ASAP2: variants seen among roughly 807,000 people sequenced by gnomAD.
ASAP2 encodes the protein arf-GAP with SH3 domain, ANK repeat and PH domain-containing protein 2.
In ASAP2, 45 loss-of-function variants were observed where a neutral mutation model predicts 131.4. That is an observed-to-expected ratio of 0.34 (90% CI 0.27 to 0.44). The LOEUF is 0.44. Among genes scored for constraint, ASAP2 ranks in the 20% least tolerant of loss-of-function variants. ASAP2 has a pLI of 1.00. For missense variants in ASAP2, 1,011 were observed against 1,297.0 expected (o/e 0.78, Z 3.39); for synonymous variants, 510 against 503.0 (o/e 1.01, Z -0.19).
At chr2:9,286,406 AAAAAAAGGAAAAGGATTTTTTTT>A (rs1667462939) in intron 2 of ASAP2, among the ~76,000 whole-genome samples, 1 of 148,592 alleles carries the variant, frequency 6.7e-6, no homozygotes, top group Admixed American at 6.7e-5. Context: ...TCCAAAACAG[AAAAAAAGGAAAAGGATTTTTTTT>A]AAAAAAGGAA....
chr2:9,261,940 C>A (rs141229599), intron 1 of ASAP2, among the ~76,000 whole-genome samples: 1 of 152,326 alleles, frequency 6.6e-6, no homozygotes, highest in East Asian at 1.9e-4. Flanking sequence ...TGGACCAGAG[C>A]GCCTCACCCC....
intron 19 of ASAP2, among the ~76,000 whole-genome samples, chr2:9,379,868 T>C (rs1281598917): frequency 6.6e-6 from 1 of 151,928 alleles, no homozygotes; most frequent in Non-Finnish European, 1.5e-5. Context: ...GGCGCGCACC[T>C]GTAGGCCCAG....
intron 14 of ASAP2, among the ~76,000 whole-genome samples, chr2:9,357,651 A>G: frequency 6.6e-6 from 1 of 152,208 alleles, no homozygotes; most frequent in East Asian, 1.9e-4. Context: ...TTAAAATGCC[A>G]AGACAGTGTG....
At chr2:9,355,018 A>G (rs1394282692) in intron 12 of ASAP2, among the ~76,000 whole-genome samples, 1 of 152,198 alleles carries the variant, frequency 6.6e-6, no homozygotes, top group African/African-American at 2.4e-5. Flanking sequence ...CTGCTTTTAG[A>G]CAGAGAATAT....
chr2:9,310,948 G>A (rs1180417907), intron 3 of ASAP2, among the ~76,000 whole-genome samples: 1 of 152,158 alleles, frequency 6.6e-6, no homozygotes, highest in Non-Finnish European at 1.5e-5. Context: ...TCTATGTGCT[G>A]CCTGCCCCAC....
At chr2:9,296,557 G>A (rs1271482454) in intron 2 of ASAP2, among the ~76,000 whole-genome samples, 1 of 152,254 alleles carries the variant, frequency 6.6e-6, no homozygotes, top group African/African-American at 2.4e-5. Context: ...CAAACAACAT[G>A]TGTGTTGTCT....
At chr2:9,306,422 G>A (rs1337871639) in intron 3 of ASAP2, among the ~76,000 whole-genome samples, 1 of 151,808 alleles carries the variant, frequency 6.6e-6, no homozygotes, top group African/African-American at 2.4e-5. Flanking sequence ...CTTTCTTAAA[G>A]GCAGAAGAGC....
intron 1 of ASAP2, among the ~76,000 whole-genome samples, chr2:9,250,291 A>G (rs1326630248): frequency 6.6e-6 from 1 of 152,210 alleles, no homozygotes; most frequent in Non-Finnish European, 1.5e-5. Flanking sequence ...AATTCAGCAA[A>G]TGGTATTTAA....
chr2:9,212,509 G>A (rs1257890030), intron 1 of ASAP2, among the ~76,000 whole-genome samples: 1 of 151,002 alleles, frequency 6.6e-6, no homozygotes, highest in Non-Finnish European at 1.5e-5. Context: ...TACTCCTGAG[G>A]TGGTGGCCAG....
intron 9 of ASAP2, among the ~76,000 whole-genome samples, chr2:9,340,478 G>A (rs1273464265): frequency 3.3e-5 from 5 of 152,194 alleles, no homozygotes; most frequent in Admixed American, 3.3e-4. Flanking sequence ...TGGAGAATAG[G>A]TGGTAACGAT....
chr2:9,367,363 T>G (rs150077291), intron 15 of ASAP2, among the ~76,000 whole-genome samples: 1,819 of 152,186 alleles, frequency 0.012, 17 homozygotes, highest in Non-Finnish European at 0.018. Flanking sequence ...AGCAGAAATA[T>G]CACAAGCGTC....
intron 26 of ASAP2, among the ~76,000 whole-genome samples, 198 bp downstream of exon 26, chr2:9,401,028 C>T (rs568937285): frequency 6.6e-6 from 1 of 152,220 alleles, no homozygotes; most frequent in South Asian, 2.1e-4. Flanking sequence ...TGGGCCCACT[C>T]AGAGTACCCT....
At chr2:9,322,265 C>G (rs1670197892) in intron 5 of ASAP2, among the ~76,000 whole-genome samples, 1 of 152,204 alleles carries the variant, frequency 6.6e-6, no homozygotes, top group Non-Finnish European at 1.5e-5. Flanking sequence ...TTCTTAAACA[C>G]TCTAGTCCTC....
chr2:9,313,520 C>T (rs1238796998), intron 3 of ASAP2, among the ~76,000 whole-genome samples: 1 of 152,216 alleles, frequency 6.6e-6, no homozygotes, highest in African/African-American at 2.4e-5. Context: ...CCCCACAACC[C>T]ACCTTATCAC....
chr2:9,278,752 T>A (rs1244586089), intron 1 of ASAP2, among the ~76,000 whole-genome samples: 1 of 152,226 alleles, frequency 6.6e-6, no homozygotes, highest in East Asian at 1.9e-4. Flanking sequence ...CCCTGCAAAG[T>A]GGGTATTGTT....
At chr2:9,307,898 G>A (rs1669049342) in intron 3 of ASAP2, among the ~76,000 whole-genome samples, 1 of 152,192 alleles carries the variant, frequency 6.6e-6, no homozygotes, top group Non-Finnish European at 1.5e-5. Context: ...TGTTCAGGAG[G>A]GCCCTGTGTG....
intron 1 of ASAP2, among the ~76,000 whole-genome samples, chr2:9,260,341 C>T (rs1269396094): frequency 6.6e-6 from 1 of 152,204 alleles, no homozygotes; most frequent in Non-Finnish European, 1.5e-5. Context: ...GGAAGGATGC[C>T]TGGCTGATCC....
chr2:9,344,889 T>G, intron 11 of ASAP2, 89 bp downstream of exon 11: 1 of 1,125,730 alleles, frequency 8.9e-7, no homozygotes, highest in Non-Finnish European at 1.3e-6. Flanking sequence ...CAGGAGTTGT[T>G]CTCCGTGTGT....
chr2:9,384,134 C>A (rs1675080096), intron 20 of ASAP2, among the ~76,000 whole-genome samples: 1 of 152,080 alleles, frequency 6.6e-6, no homozygotes, highest in African/African-American at 2.4e-5. Flanking sequence ...GCACGTTGTG[C>A]ACATGTACCC....
Sources: gnomAD v4.1 joint callset for allele counts (sites outside exome capture counted in the v4.1 genomes callset) on GRCh38, gnomAD v4.1.1 for gene constraint, MANE v1.5 for transcripts, NCBI Gene and HGNC (gene_info 2026-07-23, HGNC 2026-07-21) for gene names.